Variants in CD99L2 observed in about 807,000 individuals in gnomAD.
CD99L2 encodes the protein CD99 antigen-like protein 2.
CD99L2 carries 24 observed loss-of-function variants against 27.3 expected under a neutral mutation model. The observed-to-expected ratio is 0.88, with a 90% CI of 0.64 to 1.24. The LOEUF is 1.24. Among genes scored for constraint, CD99L2 ranks in the 50% most tolerant of loss-of-function variants. The pLI is 0.00. For synonymous variants in CD99L2, 97 were observed against 87.9 expected (o/e 1.10, Z -0.58); for missense variants, 255 against 221.6 (o/e 1.15, Z -0.96).
chrX:150,872,661 TAA>T (rs149785048), intron 1 of CD99L2, among the ~76,000 whole-genome samples: 9 of 95,651 alleles, frequency 9.4e-5, no homozygotes, highest in Non-Finnish European at 1.3e-4. Flanking sequence ...AAGGAGCAGT[TAA>T]AAAAAAAAAA....
intron 1 of CD99L2, among the ~76,000 whole-genome samples, chrX:150,844,150 G>T (rs1459857844): frequency 3.6e-5 from 4 of 112,177 alleles, no homozygotes; most frequent in Non-Finnish European, 7.5e-5. Flanking sequence ...AACTTGAAAT[G>T]AGCCATTTAA....
At chrX:150,824,491 AAGAAG>A (rs1569566007) in intron 2 of CD99L2, among the ~76,000 whole-genome samples, 3 of 83,742 alleles carry the variant, frequency 3.6e-5, no homozygotes, top group African/African-American at 1.6e-4. Flanking sequence ...AAGAAAGAAG[AAGAAG>A]AAAGAAGAAG....
chrX:150,767,190 T>C lies in CD99L2; in HGVS notation c.*1844A>G, dbSNP rs1227471403. ...AGGGTGGGGCCATCGGTTCTCGACA[T>C]ACTTGGTATCAGGGAGGGACAAGCC... On this transcript the variant is annotated 3_prime_UTR_variant, in exon 11 of 11. Coordinates refer to ENST00000370377, the MANE Select transcript of CD99L2 (RefSeq NM_031462.4). 1 of 111,856 alleles carries C rather than the reference T, an allele frequency of 8.9e-6. No homozygotes were observed. The highest frequency in any genetic ancestry group is 1.9e-5 in the Non-Finnish European group (1 of 53,156). The allele number at this position is 111,856 out of a possible 1,213,427, so 9.2% of individuals were successfully genotyped here. A position where few individuals can be genotyped will look rare whatever the true frequency, so the allele number is the denominator to read the frequency against.
At chrX:150,810,445 C>T (rs961701884) in intron 4 of CD99L2, among the ~76,000 whole-genome samples, 5 of 111,148 alleles carry the variant, frequency 4.5e-5, no homozygotes, top group Non-Finnish European at 9.4e-5. Context: ...ACAGCAACAG[C>T]CATGTTTAGA....
chrX:150,816,640 G>A (rs1047224706), intron 2 of CD99L2, among the ~76,000 whole-genome samples: 9 of 110,834 alleles, frequency 8.1e-5, no homozygotes, highest in Non-Finnish European at 1.1e-4. Flanking sequence ...TCAGTGTGGC[G>A]ATTCCTCAGG....
intron 1 of CD99L2, among the ~76,000 whole-genome samples, chrX:150,895,803 G>C (rs2047595866): frequency 9.0e-6 from 1 of 110,554 alleles, no homozygotes; most frequent in African/African-American, 3.3e-5. Flanking sequence ...CGAGGCAGGT[G>C]GATCATGAGG....
chrX:150,815,085 T>C, intron 3 of CD99L2, 149 bp from the exon 4 acceptor site: 3 of 495,934 alleles, frequency 6.0e-6, no homozygotes, highest in Non-Finnish European at 1.0e-5. Flanking sequence ...TCCAATTCTG[T>C]GTACAGACAT....
chrX:150,781,939 C>A (rs1219001515), intron 7 of CD99L2, among the ~76,000 whole-genome samples: 3 of 112,233 alleles, frequency 2.7e-5, no homozygotes, highest in African/African-American at 6.5e-5. Context: ...TACATGGCAG[C>A]CTTGATTCCT....
intron 2 of CD99L2, among the ~76,000 whole-genome samples, chrX:150,829,851 T>C (rs1037006494): frequency 2.7e-5 from 3 of 111,404 alleles, no homozygotes; most frequent in Admixed American, 9.6e-5. Context: ...GTAGTTATCA[T>C]TTTTTAAAAG....
chrX:150,790,487 G>A (rs1328172206), intron 7 of CD99L2, among the ~76,000 whole-genome samples: 3 of 111,396 alleles, frequency 2.7e-5, no homozygotes, highest in Non-Finnish European at 5.6e-5. Flanking sequence ...GGAAGGTAAA[G>A]GAACCGACCT....
intron 7 of CD99L2, among the ~76,000 whole-genome samples, chrX:150,778,426 A>G (rs2045441693): frequency 1.1e-5 from 1 of 93,735 alleles, no homozygotes; most frequent in African/African-American, 4.2e-5. Flanking sequence ...GGAGGAATGG[A>G]GGTTCATGGG....
At chrX:150,868,421 G>A (rs896071523) in intron 1 of CD99L2, among the ~76,000 whole-genome samples, 1 of 111,716 alleles carries the variant, frequency 9.0e-6, no homozygotes, top group East Asian at 2.8e-4. Context: ...CCAGCTACTC[G>A]GGAGGTTGAA....
intron 10 of CD99L2, 140 bp from the exon 11 acceptor site, chrX:150,769,241 T>G: frequency 2.9e-6 from 2 of 685,871 alleles, no homozygotes; most frequent in Non-Finnish European, 4.1e-6. Context: ...CCTTCCCTCC[T>G]GAGCCTGGGA....
intron 4 of CD99L2, among the ~76,000 whole-genome samples, chrX:150,800,806 G>A (rs782289644): frequency 1.3e-4 from 15 of 111,462 alleles, no homozygotes; most frequent in African/African-American, 4.2e-4. Flanking sequence ...GCCGAGGTGG[G>A]TGGATCACCT....
At chrX:150,852,513 T>C (rs2046808818) in intron 1 of CD99L2, among the ~76,000 whole-genome samples, 1 of 110,208 alleles carries the variant, frequency 9.1e-6, no homozygotes, top group Non-Finnish European at 1.9e-5. Flanking sequence ...AATTCAGTGA[T>C]TTCTAGTATA....
In CD99L2 at chrX:150,769,117, G is replaced by A. The variant is rs782497685; in HGVS notation, c.722-16C>T. The A allele has an allele frequency of 4.3e-6, 5 of 1,161,370 alleles. No homozygotes were observed. The highest frequency in any genetic ancestry group is 2.4e-4 in the Middle Eastern group (1 of 4,167). On this transcript the variant is annotated splice_polypyrimidine_tract_variant and intron_variant, in intron 10 of 10. Coordinates refer to ENST00000370377, the MANE Select transcript of CD99L2 (RefSeq NM_031462.4). ...GAGTATTTCACTAGGGGAAAAAGAG[G>A]CCGTCAGAAGGAATTCTGCTCTGTC...
intron 9 of CD99L2, chrX:150,771,760 C>A (rs1557419085): frequency 6.1e-6 from 7 of 1,149,151 alleles, no homozygotes. Context: ...GAGGAAGCAT[C>A]AAGGCTGAAG....
chrX:150,848,122 C>T (rs987096127), intron 1 of CD99L2, among the ~76,000 whole-genome samples: 1 of 107,517 alleles, frequency 9.3e-6, no homozygotes, highest in African/African-American at 3.4e-5. Context: ...CCCCCCCCCC[C>T]TTGTACTATA....
At chrX:150,788,959 G>A (rs894691978) in intron 7 of CD99L2, among the ~76,000 whole-genome samples, 5 of 111,665 alleles carry the variant, frequency 4.5e-5, no homozygotes, top group Non-Finnish European at 9.4e-5. Flanking sequence ...TCTAACAGGT[G>A]CATAGTGGTA....
Sources: allele counts gnomAD v4.1 joint callset (sites outside exome capture counted in the v4.1 genomes callset), GRCh38; gene constraint gnomAD v4.1.1; transcripts MANE v1.5; gene names NCBI Gene and HGNC (gene_info 2026-07-23, HGNC 2026-07-21).